The following CNTN4 variants were observed in gnomAD, a reference collection of about 807,000 sequenced individuals.
CNTN4 encodes the protein contactin-4.
A neutral mutation model predicts 122.5 loss-of-function variants in CNTN4; 77 were observed. The observed-to-expected ratio is 0.63, with a 90% confidence interval of 0.52 to 0.76. The LOEUF (loss-of-function observed/expected upper bound fraction) is 0.76. CNTN4 is among the 30% of genes least tolerant of loss of function. The pLI, the probability that CNTN4 is intolerant of heterozygous loss-of-function variation, is 0.00. For synonymous variants in CNTN4, 512 were observed against 447.0 expected, an observed-to-expected ratio of 1.15 and a Z score of -1.83; for missense variants, 1,256 against 1,259.1, an observed-to-expected ratio of 1.00 and a Z score of 0.04.
chr3:2,268,141 T>G (rs1408481961), intron 2 of CNTN4, among the ~76,000 whole-genome samples: 1 of 152,126 alleles, frequency 6.6e-6, no homozygotes, highest in Non-Finnish European at 1.5e-5. Context: ...TGTAGCACAA[T>G]TAAATGTGCA....
chr3:2,519,810 T>C (rs188802417), intron 3 of CNTN4, among the ~76,000 whole-genome samples: 1 of 152,266 alleles, frequency 6.6e-6, no homozygotes, highest in East Asian at 1.9e-4. Context: ...TAACATCCAG[T>C]TTTCAACTTC....
intron 3 of CNTN4, among the ~76,000 whole-genome samples, chr3:2,411,813 G>T (rs1283700818): frequency 6.6e-6 from 1 of 151,938 alleles, no homozygotes; most frequent in Non-Finnish European, 1.5e-5. Flanking sequence ...TCGAAGCATC[G>T]TTTTCCCCTT....
At chr3:2,627,490 CTTT>C (rs869106549) in intron 4 of CNTN4, among the ~76,000 whole-genome samples, 2 of 116,222 alleles carry the variant, frequency 1.7e-5, no homozygotes, top group Admixed American at 9.2e-5. Flanking sequence ...CATTAAGTGT[CTTT>C]TTTTTTTTTT....
At chr3:2,486,660 G>T (rs1575745937) in intron 3 of CNTN4, among the ~76,000 whole-genome samples, 1 of 152,098 alleles carries the variant, frequency 6.6e-6, no homozygotes, top group Non-Finnish European at 1.5e-5. Context: ...ACAAGTATTT[G>T]TTTTGTCAGA....
At chr3:2,376,113 A>G (rs559600664) in intron 3 of CNTN4, among the ~76,000 whole-genome samples, 9 of 152,300 alleles carry the variant, frequency 5.9e-5, no homozygotes, top group South Asian at 2.1e-4. Flanking sequence ...CAAGGTAACA[A>G]TAGAGTGCTA....
At chr3:2,233,368 C>T (rs886778974) in intron 2 of CNTN4, among the ~76,000 whole-genome samples, 1 of 152,082 alleles carries the variant, frequency 6.6e-6, no homozygotes, top group Non-Finnish European at 1.5e-5. Flanking sequence ...CTCTACATAA[C>T]CTCTTAAGTG....
intron 4 of CNTN4, among the ~76,000 whole-genome samples, chr3:2,727,108 G>A (rs1313831167): frequency 6.6e-6 from 1 of 152,188 alleles, no homozygotes; most frequent in Non-Finnish European, 1.5e-5. Context: ...TCGCCTCCAT[G>A]TAATATTGGA....
At chr3:2,585,449 T>A (rs1383177944) in intron 4 of CNTN4, among the ~76,000 whole-genome samples, 1 of 152,014 alleles carries the variant, frequency 6.6e-6, no homozygotes, top group African/African-American at 2.4e-5. Flanking sequence ...CAAATGTCCA[T>A]CAGTGATAGA....
At chr3:2,390,366 A>C (rs777127231) in intron 3 of CNTN4, among the ~76,000 whole-genome samples, 3 of 152,024 alleles carry the variant, frequency 2.0e-5, no homozygotes, top group Non-Finnish European at 4.4e-5. Context: ...TAAGTCTGAA[A>C]TGATCATAAA....
chr3:2,535,150 A>G (rs949977387), intron 3 of CNTN4, among the ~76,000 whole-genome samples: 1 of 152,122 alleles, frequency 6.6e-6, no homozygotes, highest in Non-Finnish European at 1.5e-5. Context: ...GTCTTCTGAG[A>G]GCTAGTTGCC....
In CNTN4 at chr3:2,709,470, A is replaced by C. The variant is rs918836167; in HGVS notation, c.56-26745A>C. ...TCGTGTGCAATGGGGGATGGGAACTACTGAAACCTAATCCCCGCAATTACA... is the reference window on the plus strand; with the variant it reads ...TCGTGTGCAATGGGGGATGGGAACTCCTGAAACCTAATCCCCGCAATTACA... On this transcript the variant is annotated intron_variant, in intron 4 of 24. Transcript: ENST00000418658. This position sits in a 1 kb window ranked among gnomAD's most constrained non-coding sequence, Gnocchi z 5.0. 6.6e-4 allele frequency among the ~76,000 whole-genome samples: 101 copies of C among 152,252 alleles called. No individual in the cohort carries two copies. The highest frequency in any genetic ancestry group is 2.4e-3 in the African/African-American group (98 of 41,548).
intron 4 of CNTN4, among the ~76,000 whole-genome samples, chr3:2,669,408 G>C (rs1021140358): frequency 1.3e-5 from 2 of 152,184 alleles, no homozygotes; most frequent in Non-Finnish European, 2.9e-5. Flanking sequence ...TCTGATGGTA[G>C]TTTGTATTTC....
At chr3:2,696,741 T>A (rs74685671) in intron 4 of CNTN4, among the ~76,000 whole-genome samples, 4,079 of 152,318 alleles carry the variant, frequency 0.027, 202 homozygotes, top group African/African-American at 0.093. Flanking sequence ...CATTTGAGGA[T>A]GCTTCATTGC....
intron 3 of CNTN4, among the ~76,000 whole-genome samples, chr3:2,403,239 C>G (rs2046921205): frequency 6.6e-6 from 1 of 152,026 alleles, no homozygotes; most frequent in African/African-American, 2.4e-5. Flanking sequence ...GACCTCATCC[C>G]TTACACTAGA....
chr3:2,520,259 C>CTTTTTTTTTTTTTTTTTTT lies in CNTN4; in HGVS notation c.-88-51144_-88-51126dup, dbSNP rs397988483. Among the ~76,000 whole-genome samples the CTTTTTTTTTTTTTTTTTTT allele has an allele frequency of 1.3e-4, 10 of 74,466 alleles. 1 individual carries two copies. Among genetic ancestry groups the CTTTTTTTTTTTTTTTTTTT allele is most frequent in the African/African-American group, 7.2e-4 (10 of 13,850 alleles). The allele number at this position is 74,466 out of a possible 152,430, so 48.9% of individuals were successfully genotyped here. A position where few individuals can be genotyped will look rare whatever the true frequency, so the allele number is the denominator to read the frequency against. On this transcript the variant is annotated intron_variant, in intron 3 of 24. Coordinates refer to ENST00000418658, the MANE Select transcript of CNTN4 (RefSeq NM_175607.3). ...AAAAAGATAGGTTGGTGATTGCTTC[C>CTTTTTTTTTTTTTTTTTTT]TTTTTTTTTTTTTTTTTTTTTTTTT...
chr3:3,029,040 A>G (rs2125660337), intron 15 of CNTN4, among the ~76,000 whole-genome samples: 1 of 152,302 alleles, frequency 6.6e-6, no homozygotes, highest in Middle Eastern at 3.4e-3. Flanking sequence ...TGTGTCTACC[A>G]AAGGATGACT....
At chr3:2,608,919 GGCAT>G (rs2081368528) in intron 4 of CNTN4, among the ~76,000 whole-genome samples, 1 of 152,090 alleles carries the variant, frequency 6.6e-6, no homozygotes, top group Non-Finnish European at 1.5e-5. Flanking sequence ...TCTAGTCAGG[GGCAT>G]GCCTGATGAT....
intron 14 of CNTN4, among the ~76,000 whole-genome samples, chr3:3,015,822 T>C (rs1189683280): frequency 1.3e-5 from 2 of 152,218 alleles, no homozygotes; most frequent in African/African-American, 2.4e-5. Context: ...CTTTCTTTTA[T>C]AGTTTAAGTA....
intron 3 of CNTN4, among the ~76,000 whole-genome samples, chr3:2,535,219 T>C (rs577688013): frequency 3.3e-5 from 5 of 152,318 alleles, no homozygotes; most frequent in South Asian, 2.1e-4. Flanking sequence ...ATTGGTAGTC[T>C]TTATGACACA....
Sources: gnomAD v4.1 joint callset for allele counts (sites outside exome capture counted in the v4.1 genomes callset) on GRCh38, gnomAD v4.1.1 for gene constraint, Gnocchi (gnomAD v3.1) non-coding constraint, MANE v1.5 for transcripts, NCBI Gene and HGNC (gene_info 2026-07-23, HGNC 2026-07-21) for gene names.